ARHGAP6: variants seen among roughly 807,000 people sequenced by gnomAD.
ARHGAP6 encodes the protein Rho GTPase activating protein 6, also known as rho GTPase-activating protein 6.
A neutral mutation model predicts 55.7 loss-of-function variants in ARHGAP6; 16 were observed. The observed-to-expected ratio is 0.29, with a 90% confidence interval of 0.19 to 0.44. The LOEUF is 0.44. Ranked by LOEUF, ARHGAP6 falls within the 20% of genes least tolerant of loss-of-function variation. The probability of loss-of-function intolerance (pLI) is 1.00; values close to 1 mark genes in which losing one functional copy is unlikely to be tolerated. For synonymous variants in ARHGAP6, 382 were observed against 360.9 expected, an observed-to-expected ratio of 1.06 and a Z score of -0.66; for missense variants, 698 against 808.9, an observed-to-expected ratio of 0.86 and a Z score of 1.66.
At chrX:11,523,787 G>A (rs1044588159) in intron 1 of ARHGAP6, among the ~76,000 whole-genome samples, 27 of 111,223 alleles carry the variant, frequency 2.4e-4, no homozygotes, top group Non-Finnish European at 4.5e-4. Context: ...GCAAGTGGAG[G>A]GGGAGGGTGT....
At chrX:11,161,612 A>G (rs1314186385) in intron 9 of ARHGAP6, among the ~76,000 whole-genome samples, 1 of 111,889 alleles carries the variant, frequency 8.9e-6, no homozygotes, top group East Asian at 2.8e-4. Flanking sequence ...ATGAAAATAG[A>G]TTACCAATTG....
intron 1 of ARHGAP6, among the ~76,000 whole-genome samples, chrX:11,268,126 T>C (rs548469597): frequency 8.9e-6 from 1 of 112,140 alleles, no homozygotes; most frequent in Middle Eastern, 4.6e-3. Context: ...TTGGCTCTTA[T>C]TCTGGATTAT....
intron 9 of ARHGAP6, among the ~76,000 whole-genome samples, chrX:11,162,743 T>C (rs1357073840): frequency 8.9e-6 from 1 of 112,311 alleles, no homozygotes; most frequent in Non-Finnish European, 1.9e-5. Context: ...AGCACAGTCT[T>C]CTTGCTGTTC....
At chrX:11,537,787 A>G (rs2051118333) in intron 1 of ARHGAP6, among the ~76,000 whole-genome samples, 1 of 112,298 alleles carries the variant, frequency 8.9e-6, no homozygotes, top group Non-Finnish European at 1.9e-5. Flanking sequence ...GTTTTAAAAC[A>G]CAAGAACACA....
chrX:11,210,278 T>C (rs970945888), intron 2 of ARHGAP6, among the ~76,000 whole-genome samples: 3 of 112,753 alleles, frequency 2.7e-5, no homozygotes, highest in African/African-American at 9.7e-5. Context: ...TGCATCACTG[T>C]AGTACATCCA....
intron 1 of ARHGAP6, among the ~76,000 whole-genome samples, chrX:11,580,693 C>A (rs960831054): frequency 1.2e-4 from 13 of 112,107 alleles, no homozygotes; most frequent in African/African-American, 4.2e-4. Flanking sequence ...CTAACTATAT[C>A]TTTATTTTCA....
At chrX:11,481,706 T>C (rs1246893731) in intron 1 of ARHGAP6, among the ~76,000 whole-genome samples, 1 of 112,782 alleles carries the variant, frequency 8.9e-6, no homozygotes. Flanking sequence ...AGGATATATT[T>C]TACTAAAACA....
At chrX:11,657,115 G>A (rs759903324) in intron 1 of ARHGAP6, among the ~76,000 whole-genome samples, 1 of 111,507 alleles carries the variant, frequency 9.0e-6, no homozygotes, top group Non-Finnish European at 1.9e-5. Context: ...AGATGATGTT[G>A]TAAAAGGCAT....
chrX:11,395,344 C>T (rs1484277333), intron 1 of ARHGAP6, among the ~76,000 whole-genome samples: 1 of 112,263 alleles, frequency 8.9e-6, no homozygotes, highest in African/African-American at 3.2e-5. Flanking sequence ...TTTGCAAAGA[C>T]AGCAACATCT....
At chrX:11,628,556 A>G (rs1005332056) in intron 1 of ARHGAP6, among the ~76,000 whole-genome samples, 16 of 112,569 alleles carry the variant, frequency 1.4e-4, no homozygotes, top group Non-Finnish European at 3.0e-4. Flanking sequence ...GCAAGACAAC[A>G]TTTCTTTCTG....
chrX:11,245,128 T>C (rs2047335629), intron 2 of ARHGAP6, among the ~76,000 whole-genome samples: 1 of 112,129 alleles, frequency 8.9e-6, no homozygotes, highest in Non-Finnish European at 1.9e-5. Context: ...AGCTTCTATC[T>C]AAAGGGTCAC....
chrX:11,334,111 TAA>T (rs369539196), intron 1 of ARHGAP6: 26 of 97,171 alleles, frequency 2.7e-4, no homozygotes, highest in Non-Finnish European at 2.3e-4. Flanking sequence ...GCACTGTGGT[TAA>T]AAAAAAAAAA....
chrX:11,434,848 A>G (rs956073115), intron 1 of ARHGAP6, among the ~76,000 whole-genome samples: 1 of 111,933 alleles, frequency 8.9e-6, no homozygotes, highest in African/African-American at 3.2e-5. Flanking sequence ...TGAGCCAGGG[A>G]GTTCCAGATC....
At chrX:11,445,636 T>A (rs1052199267) in intron 1 of ARHGAP6, among the ~76,000 whole-genome samples, 2 of 111,913 alleles carry the variant, frequency 1.8e-5, no homozygotes, top group Non-Finnish European at 3.8e-5. Flanking sequence ...TTGCAACATC[T>A]TATTAGGGCA....
intron 1 of ARHGAP6, among the ~76,000 whole-genome samples, chrX:11,453,281 CTA>C (rs773227806): frequency 4.5e-5 from 4 of 89,846 alleles, no homozygotes; most frequent in Non-Finnish European, 8.7e-5. Context: ...CATATATATA[CTA>C]TATATATACA....
At chrX:11,463,463 C>T (rs749560027) in intron 1 of ARHGAP6, among the ~76,000 whole-genome samples, 3 of 111,303 alleles carry the variant, frequency 2.7e-5, no homozygotes, top group South Asian at 7.7e-4. Flanking sequence ...CTCAGCCTTC[C>T]AAGTAGCTGG....
chrX:11,315,448 G>A (rs776003016), intron 1 of ARHGAP6, among the ~76,000 whole-genome samples: 2 of 112,058 alleles, frequency 1.8e-5, no homozygotes, highest in East Asian at 2.8e-4. Context: ...CTCCTGCTGT[G>A]CAGTCCCATT....
At chrX:11,203,665 G>A (rs145682193) in intron 2 of ARHGAP6, among the ~76,000 whole-genome samples, 8 of 111,803 alleles carry the variant, frequency 7.2e-5, no homozygotes, top group East Asian at 5.6e-4. Context: ...TTTCTGGGGC[G>A]ACATCTAAAA....
intron 2 of ARHGAP6, among the ~76,000 whole-genome samples, chrX:11,198,493 G>T (rs977765124): frequency 8.9e-6 from 1 of 111,784 alleles, no homozygotes; most frequent in Non-Finnish European, 1.9e-5. Flanking sequence ...GGCCTTACAG[G>T]TCTTTTACTC....
Sources: allele counts gnomAD v4.1 joint callset (sites outside exome capture counted in the v4.1 genomes callset), GRCh38; gene constraint gnomAD v4.1.1; transcripts MANE v1.5; gene names NCBI Gene and HGNC (gene_info 2026-07-23, HGNC 2026-07-21).